The following HSPBAP1 variants were observed in gnomAD, a reference collection of about 807,000 sequenced individuals.
HSPBAP1 encodes the protein HSPB1 associated protein 1, also known as HSPB1-associated protein 1.
HSPBAP1 carries 27 observed loss-of-function variants against 45.2 expected under a neutral mutation model. That is an observed-to-expected ratio of 0.60 (90% CI 0.44 to 0.82). HSPBAP1 has a LOEUF of 0.82. Ranked by LOEUF, HSPBAP1 falls within the 40% of genes least tolerant of loss-of-function variation. The pLI is 0.00. For missense variants in HSPBAP1, 510 were observed against 590.9 expected (o/e 0.86, Z 1.42); for synonymous variants, 204 against 202.7 (o/e 1.01, Z -0.06).
intron 2 of HSPBAP1, 122 bp from the exon 3 acceptor site, chr3:122,769,004 G>A (rs773887058): frequency 3.3e-5 from 24 of 717,096 alleles, no homozygotes; most frequent in Non-Finnish European, 5.1e-5. Flanking sequence ...TTAAAAATTC[G>A]TGTTGAGCCA....
At chr3:122,777,414 TTAAG>T (rs1173611391) in intron 2 of HSPBAP1, among the ~76,000 whole-genome samples, 3 of 150,244 alleles carry the variant, frequency 2.0e-5, no homozygotes, top group African/African-American at 7.3e-5. Context: ...TATTTATTTA[TTAAG>T]TGTCTAACAT....
chr3:122,791,986 A>G (rs1935844536), intron 1 of HSPBAP1, among the ~76,000 whole-genome samples: 1 of 152,242 alleles, frequency 6.6e-6, no homozygotes, highest in Admixed American at 6.5e-5. Context: ...AGGTGAGAAA[A>G]TGTGGATGAT....
At chr3:122,761,338 C>T (rs938542764) in intron 3 of HSPBAP1, among the ~76,000 whole-genome samples, 1 of 151,856 alleles carries the variant, frequency 6.6e-6, no homozygotes, top group Non-Finnish European at 1.5e-5. Context: ...GACAGACCAA[C>T]CCCACATGAA....
At chr3:122,756,499 C>T (rs761374634) in intron 4 of HSPBAP1, among the ~76,000 whole-genome samples, 45 of 151,914 alleles carry the variant, frequency 3.0e-4, no homozygotes, top group Admixed American at 1.8e-3. Context: ...AACCTCGGAG[C>T]CTGGGAAACA....
At chr3:122,770,259 C>T (rs187495590) in intron 2 of HSPBAP1, among the ~76,000 whole-genome samples, 1 of 152,306 alleles carries the variant, frequency 6.6e-6, no homozygotes, top group East Asian at 1.9e-4. Flanking sequence ...TGTCACCTCA[C>T]TTTGAGAAGC....
rs764699673 is a variant in HSPBAP1, at chr3:122,778,512, CTTTT to C, written c.65-610_65-607del. ...TACAACCATCCACAGTCTAGTATTT[CTTTT>C]TTTTTTATTTTTTTTTTTTTTTTGA... On this transcript the variant is annotated intron_variant, in intron 1 of 7. Coordinates refer to ENST00000306103, the MANE Select transcript of HSPBAP1 (RefSeq NM_024610.6). 3.2e-5 allele frequency among the ~76,000 whole-genome samples: 4 copies of C among 124,954 alleles called. No individual in the cohort carries two copies. The East Asian group carries it at 8.5e-4, about 27-fold the overall frequency. 82.0% of individuals were successfully genotyped at this position (124,954 alleles called of 152,430 possible).
chr3:122,741,831 T>C (rs1299892389), intron 6 of HSPBAP1: 4 of 152,070 alleles, frequency 2.6e-5, no homozygotes, highest in Non-Finnish European at 4.4e-5. Context: ...TCCAGGGAAG[T>C]GCAAATTGAG....
At chr3:122,756,008 A>G (rs987996475) in intron 4 of HSPBAP1, among the ~76,000 whole-genome samples, 8 of 152,236 alleles carry the variant, frequency 5.3e-5, no homozygotes, top group Non-Finnish European at 1.5e-5. Context: ...AAACTGTTAA[A>G]ATGTTTGTCA....
chr3:122,792,851 C>G (rs577220482), intron 1 of HSPBAP1, among the ~76,000 whole-genome samples: 2 of 147,186 alleles, frequency 1.4e-5, no homozygotes, highest in South Asian at 2.2e-4. Flanking sequence ...AGCCTGGTGA[C>G]AGAGCGAGAC....
intron 6 of HSPBAP1, among the ~76,000 whole-genome samples, chr3:122,746,595 G>GTTT (rs1933862452): frequency 1.3e-5 from 2 of 151,644 alleles, no homozygotes; most frequent in Non-Finnish European, 2.9e-5. Flanking sequence ...GATAAAATTA[G>GTTT]ATCTCAGCTC....
intron 1 of HSPBAP1, among the ~76,000 whole-genome samples, chr3:122,780,543 G>T: frequency 7.4e-6 from 1 of 135,448 alleles, no homozygotes; most frequent in African/African-American, 3.1e-5. Flanking sequence ...GGGGCGGCTG[G>T]CCGGACGGGG....
rs185258498 is a variant in HSPBAP1 at position 122,784,911 on chromosome 3, G to T, written c.65-7005C>A. Among the ~76,000 whole-genome samples, 508 of 152,302 alleles carry T rather than the reference G, an allele frequency of 3.3e-3. 2 individuals are homozygous for T. The highest frequency in any genetic ancestry group is 4.1e-3 in the Non-Finnish European group (282 of 68,016). On this transcript the variant is annotated intron_variant, in intron 1 of 7. Coordinates refer to ENST00000306103, the MANE Select transcript of HSPBAP1 (RefSeq NM_024610.6). ...CAATGCACTTTTACAGACATTAAAA[G>T]TGCTCATGTGATCTTATAAGAAGCC...
rs2107662233 is a variant in HSPBAP1 at position 122,740,807 on chromosome 3, G to A, written c.1005C>T (p.Arg335=). Residue 335 remains arginine, a synonymous_variant, in exon 8 of 8, where the codon CGC becomes CGT. Transcript: ENST00000306103. ...LNAAVSAFFD[R]CRTSEVVEIQ... The stretch of plus-strand genomic sequence containing the variant: ...TTTCTACTACCTCAGATGTTCTGCA[G>A]CGATCAAAAAATGCAGAAACAGCTG... 1 of 1,614,058 alleles carries A rather than the reference G, an allele frequency of 6.2e-7. No individual in the cohort carries two copies. The highest frequency in any genetic ancestry group is 8.5e-7 in the Non-Finnish European group (1 of 1,180,006).
chr3:122,762,611 G>C (rs1396554530), intron 3 of HSPBAP1, among the ~76,000 whole-genome samples: 3 of 152,134 alleles, frequency 2.0e-5, no homozygotes, highest in African/African-American at 7.2e-5. Context: ...AATTTTCCTT[G>C]TGATTTACTA....
rs1189755522 is a variant in HSPBAP1 at position 122,768,875 on chromosome 3, C to A, written c.258G>T (p.Gln86His). ...CTACGTAATTACATGTAGTTTCAAA[C>A]TGAGGAACTGCAATGTAAGAGAATG... ...MGMKSMSTVPQFETTCNYVEA... is the reference protein window; with the variant it reads ...MGMKSMSTVPHFETTCNYVEA... Residue 86 changes from glutamine to histidine, a missense_variant, in exon 3 of 8, where the codon CAG becomes CAT. By Grantham distance (24) the Gln-to-His change is conservative (BLOSUM62 0). Coordinates refer to ENST00000306103, the MANE Select transcript of HSPBAP1 (RefSeq NM_024610.6). 1 of 1,602,408 alleles carries A rather than the reference C, an allele frequency of 6.2e-7. No homozygotes were observed. Among genetic ancestry groups the A allele is most frequent in the African/African-American group, 1.3e-5 (1 of 74,606 alleles).
At chr3:122,752,318 AC>A (rs1934180542) in intron 6 of HSPBAP1, among the ~76,000 whole-genome samples, 1 of 152,080 alleles carries the variant, frequency 6.6e-6, no homozygotes, top group Non-Finnish European at 1.5e-5. Context: ...TCCTAACAAC[AC>A]TGGTCAAGGG....
chr3:122,785,901 G>A (rs780623634), intron 1 of HSPBAP1, among the ~76,000 whole-genome samples: 7 of 131,970 alleles, frequency 5.3e-5, no homozygotes, highest in East Asian at 2.0e-4. Flanking sequence ...ATGTGTGTGC[G>A]TGTGTGTGTG....
At chr3:122,778,334 TAAATAC>T (rs1384527471) in intron 1 of HSPBAP1, among the ~76,000 whole-genome samples, 1 of 151,594 alleles carries the variant, frequency 6.6e-6, no homozygotes, top group African/African-American at 2.4e-5. Context: ...ACACACACAT[TAAATAC>T]AATTTGGAAA....
intron 2 of HSPBAP1, among the ~76,000 whole-genome samples, chr3:122,774,649 AGGGCAAGG>A (rs1404898566): frequency 2.0e-5 from 3 of 152,182 alleles, no homozygotes; most frequent in Non-Finnish European, 4.4e-5. Flanking sequence ...GTGGGAAGGG[AGGGCAAGG>A]GGTGCAGAGA....
Sources: gnomAD v4.1 joint callset for allele counts (sites outside exome capture counted in the v4.1 genomes callset) on GRCh38, gnomAD v4.1.1 for gene constraint, MANE v1.5 for transcripts, NCBI Gene and HGNC (gene_info 2026-07-23, HGNC 2026-07-21) for gene names.